The following ADAR variants were observed in gnomAD, a reference collection of about 807,000 sequenced individuals.
The protein encoded by ADAR is double-stranded RNA-specific adenosine deaminase.
A neutral mutation model predicts 113.2 loss-of-function variants in ADAR; 41 were observed. The observed-to-expected ratio is 0.36, with a 90% CI of 0.28 to 0.47. ADAR has a LOEUF of 0.47. ADAR is among the 20% of genes least tolerant of loss of function. ADAR has a pLI of 1.00. For missense variants in ADAR, 1,242 were observed against 1,540.9 expected (o/e 0.81, Z 3.25); for synonymous variants, 605 against 572.6 (o/e 1.06, Z -0.81).
chr1:154,586,893 G>A (rs1447292539), intron 11 of ADAR, among the ~76,000 whole-genome samples: 2 of 152,076 alleles, frequency 1.3e-5, no homozygotes, highest in South Asian at 2.1e-4. Flanking sequence ...AGAGGAGGCC[G>A]GGTGATCACA....
chr1:154,600,997 C>T (rs1165555268), intron 2 of ADAR, 44 bp downstream of exon 2: 3 of 1,612,974 alleles, frequency 1.9e-6, no homozygotes, highest in Non-Finnish European at 2.5e-6. Flanking sequence ...GGAGCAAAAG[C>T]ACCTGACCCC....
intron 1 of ADAR, among the ~76,000 whole-genome samples, chr1:154,615,599 A>G (rs897931036): frequency 2.0e-5 from 3 of 151,938 alleles, no homozygotes; most frequent in African/African-American, 7.3e-5. Context: ...TTTTTCGTAG[A>G]AATAGGGCCG....
intron 5 of ADAR, 55 bp from the exon 6 acceptor site, chr1:154,597,050 G>A (rs1697549702): frequency 6.2e-7 from 1 of 1,613,962 alleles, no homozygotes; most frequent in Non-Finnish European, 8.5e-7. Context: ...AAATGTTGAG[G>A]GAGTCACTGG....
rs1298874562 is a variant in ADAR, at chr1:154,590,265, T to C, written c.2415A>G (p.Thr805=). Reference sequence around the variant, plus strand: ...TGGCCCCTGTCACTGGGGTTACCTCTGTGAAACCCATGCGTTCTGCCTTCT... The same window carrying C: ...TGGCCCCTGTCACTGGGGTTACCTCCGTGAAACCCATGCGTTCTGCCTTCT... ...ENEKAERMGF[T]EVTPVTGASL... The change falls in exon 7 of 15, where the codon ACA becomes ACG. Residue 805 remains threonine (T), a synonymous_variant. Transcript: ENST00000368474. The C allele has an allele frequency of 1.9e-6, 3 of 1,613,780 alleles. No homozygotes were observed. In the East Asian group the frequency reaches 6.7e-5, roughly 36 times the overall value.
Position 154,627,373 on chromosome 1 carries a change from T to C in ADAR, c.-871+482A>G, listed in dbSNP as rs970971873. On this transcript the variant is annotated intron_variant, in intron 1 of 14. Transcript: ENST00000368471. ...AAGGCACGCCAGGGCGGCGATGTTA[T>C]CTCTGGGATAAAGGGCCGGTCCTAA... Among the ~76,000 whole-genome samples, 5 of 152,290 alleles carry C rather than the reference T, an allele frequency of 3.3e-5. No homozygotes were observed. The East Asian group carries it at 5.8e-4, about 18-fold the overall frequency.
intron 1 of ADAR, among the ~76,000 whole-genome samples, chr1:154,627,170 C>T (rs982285737): frequency 3.9e-5 from 6 of 152,208 alleles, no homozygotes; most frequent in South Asian, 2.1e-4. Flanking sequence ...AACTCTGATA[C>T]CAACACGAAA....
At chr1:154,612,585 C>T (rs761106898), upstream of ADAR, among the ~76,000 whole-genome samples, 2 of 151,884 alleles carry the variant, frequency 1.3e-5, no homozygotes, top group Non-Finnish European at 2.9e-5. Flanking sequence ...TCTTGGCCTC[C>T]CAAAGTGCTG....
rs567754259 is a variant in ADAR at position 154,588,310 on chromosome 1, C to T, written c.2886-52G>A. 9.2e-5 allele frequency: 149 copies of T among 1,613,428 alleles called. No individual in the cohort carries two copies. In the South Asian group the frequency reaches 1.6e-3, roughly 17 times the overall value. Reference sequence around the variant, plus strand: ...CTCACCTGTGGGAAATCTGCAATTTCGTGGGGCTCCAAAACAGTCAGATGT... The same window carrying T: ...CTCACCTGTGGGAAATCTGCAATTTTGTGGGGCTCCAAAACAGTCAGATGT... On this transcript the variant is annotated intron_variant, in intron 10 of 14. Coordinates refer to ENST00000368474, the MANE Select transcript of ADAR (RefSeq NM_001111.5).
At position 154,601,197 on chromosome 1, in the gene ADAR, A is replaced by G. The variant is rs2101638347; in HGVS notation, c.1445T>C (p.Phe482Ser). ...EFRAIMEMPS[F>S]YSHGLPRCSP... ...ACACCGTGGCAAGCCATGACTGTAG[A>G]AGGAGGGCATCTCCATGATGGCTCG... Residue 482 changes from phenylalanine to serine, a missense_variant, in exon 2 of 15, where the codon TTC becomes TCC. By Grantham distance (155) the Phe-to-Ser change is radical (BLOSUM62 -2). This residue lies in a region of ADAR where 780 missense variants were observed against 1,057.9 expected (regional missense o/e 0.74). Coordinates refer to ENST00000368474, the MANE Select transcript of ADAR (RefSeq NM_001111.5). The surrounding 1 kb of genome is among the most constrained non-coding windows in gnomAD (Gnocchi z 4.7). The G allele has an allele frequency of 1.2e-6, 2 of 1,614,210 alleles. No homozygotes were observed. Among genetic ancestry groups the G allele is most frequent in the South Asian group, 1.1e-5 (1 of 91,090 alleles).
upstream of ADAR, among the ~76,000 whole-genome samples, chr1:154,611,228 G>T (rs1478221346): frequency 3.9e-5 from 6 of 152,068 alleles, no homozygotes; most frequent in African/African-American, 1.4e-4. Flanking sequence ...CAACTACTGT[G>T]CGAGGGAAGC....
rs528233886 is a variant in ADAR, at chr1:154,583,270, C to A, written c.*1536G>T. On this transcript the variant is annotated 3_prime_UTR_variant, in exon 15 of 15. Coordinates refer to ENST00000368474, the MANE Select transcript of ADAR (RefSeq NM_001111.5). ...TGGACTGCAGCCATCACCACGGCAC[C>A]AAGTCTATGCTTGGGCTCTTCCCTG... The A allele has an allele frequency of 1.3e-5, 2 of 152,278 alleles. No individual in the cohort carries two copies. The highest frequency in any genetic ancestry group is 4.8e-5 in the African/African-American group (2 of 41,452). 9.4% of individuals were successfully genotyped at this position (152,278 alleles called of 1,614,324 possible).
chr1:154,616,387 C>T (rs1022450593), intron 1 of ADAR, among the ~76,000 whole-genome samples: 9 of 152,108 alleles, frequency 5.9e-5, no homozygotes, highest in African/African-American at 2.2e-4. Flanking sequence ...TCTCTGTCCC[C>T]CAGCCTCCCT....
At position 154,584,672 on chromosome 1, in the gene ADAR, T is replaced by C; in HGVS notation, c.*134A>G. On this transcript the variant is annotated 3_prime_UTR_variant, in exon 15 of 15. Transcript: ENST00000368474. ...ATAAATGGGAACCCAAAGTTTTCAG[T>C]ATCACCAATTATGGCTTAAAAAGAA... The C allele has an allele frequency of 1.2e-6, 1 of 827,388 alleles. No individual in the cohort carries two copies. The highest frequency in any genetic ancestry group is 2.4e-5 in the East Asian group (1 of 40,942). 51.3% of individuals were successfully genotyped at this position (827,388 alleles called of 1,614,324 possible). A position where few individuals can be genotyped will look rare whatever the true frequency, so the allele number is the denominator to read the frequency against.
chr1:154,585,221 C>T lies in ADAR; in HGVS notation c.3439G>A (p.Asp1147Asn). 2.5e-6 allele frequency: 4 copies of T among 1,614,182 alleles called. No homozygotes were observed. Among genetic ancestry groups the T allele is most frequent in the Non-Finnish European group, 3.4e-6 (4 of 1,180,038 alleles). ...TGCGCTCTCCTGTCTCCTTACCCAT[C>T]CACAGTGCCTCTGGTACCGTCCAGG... ...EILDGTRGTV[D>N]GPRNELSRVS... The change falls in exon 14 of 15, where the codon GAT becomes AAT. Residue 1147 changes from aspartate (D) to asparagine (N), a missense_variant. Coordinates refer to ENST00000368474, the MANE Select transcript of ADAR (RefSeq NM_001111.5).
intron 1 of ADAR, among the ~76,000 whole-genome samples, chr1:154,620,661 G>C (rs1473504949): frequency 6.6e-6 from 1 of 152,166 alleles, no homozygotes; most frequent in Non-Finnish European, 1.5e-5. Context: ...TGAAATTTTA[G>C]AACAGGCAAA....
chr1:154,590,607 T>A (rs760607962), intron 6 of ADAR, among the ~76,000 whole-genome samples, 198 bp from the exon 7 acceptor site: 1 of 152,102 alleles, frequency 6.6e-6, no homozygotes, highest in Non-Finnish European at 1.5e-5. Context: ...CAGGTATTAC[T>A]TGGACTATTA....
chr1:154,586,066 G>A, intron 12 of ADAR, 115 bp downstream of exon 12: 1 of 1,380,440 alleles, frequency 7.2e-7, no homozygotes, highest in South Asian at 1.2e-5. Context: ...TTACTGAGGA[G>A]TGAATCATGC....
chr1:154,620,202 T>C (rs190010940), intron 1 of ADAR, among the ~76,000 whole-genome samples: 2 of 150,940 alleles, frequency 1.3e-5, no homozygotes, highest in Admixed American at 1.3e-4. Flanking sequence ...AGGTCAGGAG[T>C]TCAAGACCAG....
At chr1:154,627,773 T>G in intron 1 of ADAR, 1 of 495,558 alleles carries the variant, frequency 2.0e-6, no homozygotes, top group Non-Finnish European at 4.0e-6. Flanking sequence ...TCCTCTAACA[T>G]CAACGCCAGA....
Sources: gnomAD v4.1 joint callset for allele counts (sites outside exome capture counted in the v4.1 genomes callset) on GRCh38, gnomAD v4.1.1 for gene constraint, gnomAD v4.1.1 regional missense constraint, Gnocchi (gnomAD v3.1) non-coding constraint, MANE v1.5 for transcripts, NCBI Gene and HGNC (gene_info 2026-07-23, HGNC 2026-07-21) for gene names.